The following GKAP1 variants were observed in gnomAD, a reference collection of about 807,000 sequenced individuals.
GKAP1 encodes the protein G kinase-anchoring protein 1.
GKAP1 carries 31 observed loss-of-function variants against 56.7 expected under a neutral mutation model. That is an observed-to-expected ratio of 0.55 (90% confidence interval 0.41 to 0.74). The LOEUF is 0.74. Ranked by LOEUF, GKAP1 falls within the 30% of genes least tolerant of loss-of-function variation. The pLI is 0.00. For synonymous variants in GKAP1, 151 were observed against 138.6 expected, an observed-to-expected ratio of 1.09 and a Z score of -0.63; for missense variants, 364 against 402.3, an observed-to-expected ratio of 0.90 and a Z score of 0.82.
intron 7 of GKAP1, among the ~76,000 whole-genome samples, chr9:83,778,530 CT>C (rs1434542923): frequency 2.0e-5 from 3 of 151,818 alleles, no homozygotes; most frequent in Admixed American, 6.6e-5. Flanking sequence ...ACAAGACACA[CT>C]GGGGCTTACC....
chr9:83,784,393 T>G (rs997483460), intron 6 of GKAP1, among the ~76,000 whole-genome samples: 5 of 152,170 alleles, frequency 3.3e-5, no homozygotes, highest in Non-Finnish European at 7.4e-5. Flanking sequence ...AAAGGGCAAA[T>G]TTGGCCCCCT....
At chr9:83,741,659 T>A (rs911923026) in intron 12 of GKAP1, among the ~76,000 whole-genome samples, 11 of 152,164 alleles carry the variant, frequency 7.2e-5, no homozygotes, top group African/African-American at 2.7e-4. Flanking sequence ...ATCAACCTTA[T>A]AAACAGGACA....
chr9:83,775,799 C>T (rs1173463477), intron 7 of GKAP1, among the ~76,000 whole-genome samples: 3 of 143,228 alleles, frequency 2.1e-5, no homozygotes, highest in Non-Finnish European at 4.5e-5. Context: ...CGCTTGAACC[C>T]AGGAAGCAGA....
At chr9:83,750,268 T>C (rs1306862411) in intron 9 of GKAP1, among the ~76,000 whole-genome samples, 1 of 152,212 alleles carries the variant, frequency 6.6e-6, no homozygotes, top group Non-Finnish European at 1.5e-5. Flanking sequence ...AGAGCACATA[T>C]GAAATACATA....
intron 7 of GKAP1, among the ~76,000 whole-genome samples, chr9:83,779,616 C>A (rs544955393): frequency 8.5e-6 from 1 of 117,574 alleles, no homozygotes; most frequent in African/African-American, 3.7e-5. Flanking sequence ...CACATATACA[C>A]ACACACACAC....
At chr9:83,784,029 C>G (rs997556991) in intron 6 of GKAP1, among the ~76,000 whole-genome samples, 15 of 152,100 alleles carry the variant, frequency 9.9e-5, no homozygotes, top group Middle Eastern at 3.4e-3. Flanking sequence ...GTTTGGGAGG[C>G]CAAGGCAGGC....
intron 7 of GKAP1, among the ~76,000 whole-genome samples, chr9:83,774,220 A>T (rs1943812139): frequency 6.6e-6 from 1 of 152,240 alleles, no homozygotes; most frequent in East Asian, 1.9e-4. Flanking sequence ...TAAATGTAAG[A>T]CCTAAAACTA....
chr9:83,777,065 T>C (rs866220778), intron 7 of GKAP1, among the ~76,000 whole-genome samples: 7 of 152,226 alleles, frequency 4.6e-5, no homozygotes, highest in African/African-American at 7.2e-5. Context: ...ACGGACATGA[T>C]AGAAAATTCA....
chr9:83,815,735 G>C (rs1008813400), intron 2 of GKAP1, among the ~76,000 whole-genome samples: 14 of 152,166 alleles, frequency 9.2e-5, no homozygotes, highest in African/African-American at 2.9e-4. Flanking sequence ...AATTAGTGTG[G>C]CCTCACTGAA....
At chr9:83,752,040 A>T (rs1436472358) in intron 9 of GKAP1, among the ~76,000 whole-genome samples, 6 of 152,192 alleles carry the variant, frequency 3.9e-5, no homozygotes, top group African/African-American at 1.4e-4. Context: ...ATATACACAC[A>T]ATGAAAAATT....
At position 83,794,886 on chromosome 9, in the gene GKAP1, G is replaced by A. The variant is rs111278808; in HGVS notation, c.360+4299C>T. 7.9e-5 allele frequency among the ~76,000 whole-genome samples: 12 copies of A among 152,062 alleles called. 1 individual carries two copies. The highest frequency in any genetic ancestry group is 2.4e-4 in the African/African-American group (10 of 41,492). On this transcript the variant is annotated intron_variant, in intron 4 of 12. Transcript: ENST00000376371. ...AAACAGTGGCTGGGTGTGGTGGCTC[G>A]CGCCTGTAATCCCAGCACTTTGGTA...
In GKAP1 at chr9:83,799,281, A is replaced by T. The variant is rs1435107474; in HGVS notation, c.264T>A (p.Ala88=). The T allele has an allele frequency of 6.2e-7, 1 of 1,602,278 alleles. No homozygotes were observed. Among genetic ancestry groups the T allele is most frequent in the South Asian group, 1.1e-5 (1 of 88,208 alleles). ...FKKIPQKSSH[A]VCNAQHDLPL... ...GAAGATCATGTTGAGCGTTACAAAC[A>T]GCATGGGAGGATTTCTGGGGAATTT... Residue 88 remains alanine, a synonymous_variant, in exon 4 of 13, where the codon GCT becomes GCA. Transcript: ENST00000376371.
chr9:83,742,166 T>G, intron 11 of GKAP1, 137 bp from the exon 12 acceptor site: 1 of 665,366 alleles, frequency 1.5e-6, no homozygotes, highest in East Asian at 2.8e-5. Context: ...AATTTCCATT[T>G]GGTATTGTAC....
chr9:83,762,005 A>T (rs916194523), intron 8 of GKAP1, among the ~76,000 whole-genome samples: 3 of 152,202 alleles, frequency 2.0e-5, no homozygotes, highest in Non-Finnish European at 4.4e-5. Context: ...CAAGACAAGG[A>T]TGCCCACTTT....
intron 2 of GKAP1, among the ~76,000 whole-genome samples, chr9:83,808,658 TA>T (rs1489483908): frequency 6.6e-6 from 1 of 152,228 alleles, no homozygotes; most frequent in African/African-American, 2.4e-5. Context: ...ACAATTATCC[TA>T]CATAGTTGTT....
At chr9:83,745,138 C>T (rs570729646) in intron 10 of GKAP1, among the ~76,000 whole-genome samples, 4 of 152,244 alleles carry the variant, frequency 2.6e-5, no homozygotes, top group Non-Finnish European at 5.9e-5. Context: ...TCATGCAATC[C>T]TCCCACCTTA....
intron 8 of GKAP1, among the ~76,000 whole-genome samples, chr9:83,759,032 G>A (rs141173844): frequency 2.6e-5 from 4 of 151,772 alleles, no homozygotes; most frequent in Non-Finnish European, 5.9e-5. Flanking sequence ...CTTCACATGC[G>A]CAAAAGAATT....
chr9:83,800,693 A>C (rs1944318470), intron 3 of GKAP1, among the ~76,000 whole-genome samples: 1 of 152,180 alleles, frequency 6.6e-6, no homozygotes, highest in South Asian at 2.1e-4. Flanking sequence ...TACATAGTGA[A>C]CTGTAACCTA....
intron 6 of GKAP1, among the ~76,000 whole-genome samples, chr9:83,784,485 T>G (rs918180267): frequency 1.3e-5 from 2 of 152,156 alleles, no homozygotes; most frequent in Non-Finnish European, 2.9e-5. Context: ...ACTTCCCAGC[T>G]TCCAGAACTG....
Sources: allele counts gnomAD v4.1 joint callset (sites outside exome capture counted in the v4.1 genomes callset), GRCh38; gene constraint gnomAD v4.1.1; transcripts MANE v1.5; gene names NCBI Gene and HGNC (gene_info 2026-07-23, HGNC 2026-07-21).